The following CHST8 variants were observed in gnomAD, a reference collection of about 807,000 sequenced individuals.
CHST8 encodes the protein carbohydrate sulfotransferase 8, also known as GALNAC-4-ST1.
Under a neutral mutation model 15.0 loss-of-function variants are expected in CHST8, and 10 were observed. The observed-to-expected ratio is 0.67, with a 90% CI of 0.41 to 1.13. The LOEUF (loss-of-function observed/expected upper bound fraction) is 1.13, where lower values mean the gene tolerates loss of function less well. Among genes scored for constraint, CHST8 ranks in the 50% most tolerant of loss-of-function variants. CHST8 has a pLI of 0.00. For synonymous variants in CHST8, 259 were observed against 256.6 expected, an observed-to-expected ratio of 1.01 and a Z score of -0.09; for missense variants, 634 against 608.2, an observed-to-expected ratio of 1.04 and a Z score of -0.45.
chr19:33,666,079 A>C (rs1427849798), intron 1 of CHST8, among the ~76,000 whole-genome samples: 1 of 152,226 alleles, frequency 6.6e-6, no homozygotes, highest in Non-Finnish European at 1.5e-5. Flanking sequence ...CTGAGAAAGA[A>C]GCAACGTTGG....
intron 3 of CHST8, among the ~76,000 whole-genome samples, chr19:33,717,318 A>G (rs157726): frequency 0.59 from 89,509 of 151,690 alleles, 26,729 homozygotes; most frequent in East Asian, 0.87. Flanking sequence ...AAAATTAGCC[A>G]GGCGTGGTGG....
At chr19:33,670,534 TG>T (rs1238780747) in intron 2 of CHST8, among the ~76,000 whole-genome samples, 1 of 152,246 alleles carries the variant, frequency 6.6e-6, no homozygotes, top group Non-Finnish European at 1.5e-5. Context: ...GGGCCAGCGC[TG>T]GCTGCAGAGG....
In CHST8 at chr19:33,772,361, CG is replaced by C. The variant is rs1377501931; in HGVS notation, c.574del (p.Val192CysfsTer154). ...SRIFVEDRHR[V>X]LYCEVPKAGC... ...GTATCTTCGTGGAGGACCGCCACCG[CG>C]TGCTCTACTGCGAGGTGCCCAAGGC... is the stretch of plus-strand genomic sequence containing the variant. On this transcript the variant is annotated frameshift_variant, in exon 5 of 5. Transcript: ENST00000650847. LOFTEE classifies it high-confidence loss of function. The C allele has an allele frequency of 6.2e-7, 1 of 1,607,590 alleles. No individual in the cohort carries two copies. The highest frequency in any genetic ancestry group is 8.5e-7 in the Non-Finnish European group (1 of 1,179,168).
intron 1 of CHST8, among the ~76,000 whole-genome samples, chr19:33,625,088 CTT>C (rs112353397): frequency 2.5e-4 from 36 of 144,340 alleles, no homozygotes; most frequent in Admixed American, 2.8e-4. Context: ...TTCTTTCTTT[CTT>C]TTTTTTTTTT....
chr19:33,646,506 G>A (rs1193161976), intron 1 of CHST8, among the ~76,000 whole-genome samples: 1 of 152,172 alleles, frequency 6.6e-6, no homozygotes, highest in Non-Finnish European at 1.5e-5. Context: ...AGTTGGGGAT[G>A]GTGTAAAATC....
rs1315129778 is a variant in CHST8 at position 33,688,493 on chromosome 19, GC to G, written c.-86-681del. 2.6e-5 allele frequency among the ~76,000 whole-genome samples: 4 copies of G among 152,260 alleles called. No homozygotes were observed. The Middle Eastern group carries it at 0.01, about 388-fold the overall frequency. ...GCCCCACCTCCACTCCAGGCAAAGG[GC>G]CTCGAGCACAGGGACTCCAGTGGTC... On this transcript the variant is annotated intron_variant, in intron 2 of 4. Coordinates refer to ENST00000650847, the MANE Select transcript of CHST8 (RefSeq NM_001127895.2).
intron 1 of CHST8, among the ~76,000 whole-genome samples, chr19:33,636,075 G>T (rs1972194182): frequency 7.4e-6 from 1 of 135,976 alleles, no homozygotes; most frequent in South Asian, 2.4e-4. Context: ...TAACTAATAT[G>T]AAAGGTTTAT....
chr19:33,750,001 G>A (rs1053822174), intron 3 of CHST8, among the ~76,000 whole-genome samples: 3 of 152,216 alleles, frequency 2.0e-5, no homozygotes, highest in African/African-American at 7.2e-5. Flanking sequence ...TGGCGCCCCA[G>A]CTAGGTGTGG....
intron 3 of CHST8, among the ~76,000 whole-genome samples, chr19:33,725,353 C>G (rs921311960): frequency 6.6e-6 from 1 of 152,096 alleles, no homozygotes; most frequent in Non-Finnish European, 1.5e-5. Flanking sequence ...AGCTAAGCCT[C>G]GAGTCCTAAT....
chr19:33,623,175 A>C (rs553513917), intron 1 of CHST8, among the ~76,000 whole-genome samples: 43 of 151,764 alleles, frequency 2.8e-4, no homozygotes, highest in Middle Eastern at 6.9e-3. Flanking sequence ...TCTTGTCTCC[A>C]GGCCCGCGAC....
chr19:33,773,085 G>T lies in CHST8; in HGVS notation c.*22G>T, dbSNP rs1189440659. ...CTGAGGGGCGCCGCAGCTGGCCGGG[G>T]CCGCCCTGCCCCGGTCACTCACCTG... On this transcript the variant is annotated 3_prime_UTR_variant, in exon 5 of 5. Coordinates refer to ENST00000650847, the MANE Select transcript of CHST8 (RefSeq NM_001127895.2). 1 of 1,568,550 alleles carries T rather than the reference G, an allele frequency of 6.4e-7. No individual in the cohort carries two copies. The highest frequency in any genetic ancestry group is 1.2e-5 in the South Asian group (1 of 85,996).
At chr19:33,655,506 T>G (rs1972500804) in intron 1 of CHST8, among the ~76,000 whole-genome samples, 1 of 152,208 alleles carries the variant, frequency 6.6e-6, no homozygotes, top group Admixed American at 6.5e-5. Context: ...ACATTTTAAA[T>G]AGCATAGAAA....
At chr19:33,642,303 C>A (rs182707801) in intron 1 of CHST8, among the ~76,000 whole-genome samples, 198 of 152,244 alleles carry the variant, frequency 1.3e-3, no homozygotes, top group African/African-American at 3.3e-3. Flanking sequence ...GGCCCCCCCC[C>A]ACTCCACCTC....
intron 1 of CHST8, among the ~76,000 whole-genome samples, chr19:33,650,586 T>C (rs1182804081): frequency 7.2e-6 from 1 of 137,996 alleles, no homozygotes; most frequent in African/African-American, 2.6e-5. Flanking sequence ...GGCTGGAGTA[T>C]AGTGGTGTGA....
chr19:33,759,266 ATT>A lies in CHST8; in HGVS notation c.131-12145_131-12144del, dbSNP rs144921071. Among the ~76,000 whole-genome samples, 789 of 152,324 alleles carry A rather than the reference ATT, an allele frequency of 5.2e-3. 4 individuals carry two copies. Among genetic ancestry groups the A allele is most frequent in the African/African-American group, 0.018 (745 of 41,580 alleles). ...GCTCCAGCCTGACTCACTTGCTTCT[ATT>A]TGCTGGTAACCCCACAATGGGAATT... is the stretch of plus-strand genomic sequence containing the variant. On this transcript the variant is annotated intron_variant, in intron 3 of 4. Transcript: ENST00000650847.
chr19:33,772,017 C>A lies in CHST8; in HGVS notation c.229C>A (p.Arg77=), dbSNP rs149660944. 73 of 1,609,800 alleles carry A rather than the reference C, an allele frequency of 4.5e-5. No individual in the cohort carries two copies. The African/African-American group carries it at 9.2e-4, about 20-fold the overall frequency. Reference sequence around the variant, plus strand: ...GAAGGAACCCACAGAGAGGGTCACTCGGGACTTATCCAGTGGGGCCCCGAG... The same window carrying A: ...GAAGGAACCCACAGAGAGGGTCACTAGGGACTTATCCAGTGGGGCCCCGAG... ...DLKEPTERVT[R]DLSSGAPRGR... The change falls in exon 5 of 5, where the codon CGG becomes AGG. Residue 77 remains arginine, a synonymous_variant. Coordinates refer to ENST00000650847, the MANE Select transcript of CHST8 (RefSeq NM_001127895.2).
chr19:33,743,031 G>A (rs1974227219), intron 3 of CHST8, among the ~76,000 whole-genome samples: 2 of 152,272 alleles, frequency 1.3e-5, no homozygotes, highest in South Asian at 4.2e-4. Flanking sequence ...AACTCTCTGG[G>A]CTGCAGAGGC....
chr19:33,704,853 T>C (rs1046122597), intron 3 of CHST8, among the ~76,000 whole-genome samples: 8 of 148,916 alleles, frequency 5.4e-5, no homozygotes, highest in African/African-American at 2.0e-4. Context: ...GAAGTTGCAG[T>C]GAGCTGAAAT....
intron 1 of CHST8, among the ~76,000 whole-genome samples, chr19:33,647,998 GAATAGAATGTGAA>G (rs968914117): frequency 2.0e-5 from 3 of 152,032 alleles, no homozygotes; most frequent in African/African-American, 7.2e-5. Context: ...GAGACTGATA[GAATAGAATGTGAA>G]AAACAGGTAG....
Sources: gnomAD v4.1 joint callset for allele counts (sites outside exome capture counted in the v4.1 genomes callset) on GRCh38, gnomAD v4.1.1 for gene constraint, MANE v1.5 for transcripts, NCBI Gene and HGNC (gene_info 2026-07-23, HGNC 2026-07-21) for gene names.